SH2D1A: variants seen among roughly 807,000 people sequenced by gnomAD.
The protein encoded by SH2D1A is SH2 domain containing 1A.
A neutral mutation model predicts 10.1 loss-of-function variants in SH2D1A; 6 were observed. The observed-to-expected ratio is 0.60, with a 90% CI of 0.33 to 1.18. The LOEUF (loss-of-function observed/expected upper bound fraction) is 1.18. SH2D1A is among the 50% of genes most tolerant of loss of function. The probability of loss-of-function intolerance (pLI) is 0.04; values close to 1 mark genes in which losing one functional copy is unlikely to be tolerated. For synonymous variants in SH2D1A, 42 were observed against 36.9 expected, an observed-to-expected ratio of 1.14 and a Z score of -0.51; for missense variants, 51 against 97.6, an observed-to-expected ratio of 0.52 and a Z score of 2.01.
chrX:124,368,803 A>G (rs901112369), intron 2 of SH2D1A, among the ~76,000 whole-genome samples: 3 of 112,725 alleles, frequency 2.7e-5, no homozygotes, highest in Non-Finnish European at 5.6e-5. Flanking sequence ...TGAGGAAAGT[A>G]TAAGGAGGCA....
rs201326965 is a variant in SH2D1A at position 124,371,409 on chromosome X, T to A, written c.*18T>A. ...CCCCATGAAGAAAAATAAAACACCT[T>A]GTACTTTATTTTCTATAATTTAAAT... On this transcript the variant is annotated 3_prime_UTR_variant, in exon 4 of 4. Transcript: ENST00000371139. 9.5e-7 allele frequency: 1 copy of A among 1,052,670 alleles called. No individual in the cohort carries two copies. Among genetic ancestry groups the A allele is most frequent in the East Asian group, 3.0e-5 (1 of 32,991 alleles). 86.8% of individuals were successfully genotyped at this position (1,052,670 alleles called of 1,213,427 possible). A position where few individuals can be genotyped will look rare whatever the true frequency, so the allele number is the denominator to read the frequency against.
chrX:124,361,286 G>A (rs1257864440), intron 1 of SH2D1A, among the ~76,000 whole-genome samples: 3 of 111,712 alleles, frequency 2.7e-5, no homozygotes, highest in Non-Finnish European at 5.6e-5. Flanking sequence ...CTGTCTACAA[G>A]CCAAGAGAAG....
At chrX:124,362,328 G>T (rs1490246901) in intron 1 of SH2D1A, among the ~76,000 whole-genome samples, 1 of 112,281 alleles carries the variant, frequency 8.9e-6, no homozygotes, top group Non-Finnish European at 1.9e-5. Context: ...GAGCTGTGGG[G>T]GTGATGCTGC....
rs200198093 is a variant in SH2D1A, at chrX:124,371,315, GTTTAT to G, written c.347-32_347-28del. On this transcript the variant is annotated intron_variant, in intron 3 of 3. Transcript: ENST00000371139. Reference sequence around the variant, plus strand: ...AATCTGTAATTTTAATAGTTTGTAAGTTTATTTTTTCTTGATTTTTGTTATTTTTC... The same window carrying G: ...AATCTGTAATTTTAATAGTTTGTAAGTTTTTCTTGATTTTTGTTATTTTTC... The G allele has an allele frequency of 0.017, 17,027 of 1,006,837 alleles. 136 individuals carry two copies. Among genetic ancestry groups the G allele is most frequent in the Non-Finnish European group, 0.021 (15,207 of 717,852 alleles). The allele number at this position is 1,006,837 out of a possible 1,213,427, so 83.0% of individuals were successfully genotyped here.
At chrX:124,357,221 T>G (rs2060028643) in intron 1 of SH2D1A, among the ~76,000 whole-genome samples, 1 of 112,084 alleles carries the variant, frequency 8.9e-6, no homozygotes, top group Non-Finnish European at 1.9e-5. Flanking sequence ...ATCCCATGTA[T>G]AACTGAAACT....
intron 1 of SH2D1A, chrX:124,364,488 T>C: frequency 4.2e-6 from 1 of 235,459 alleles, no homozygotes; most frequent in East Asian, 1.3e-4. Context: ...GAAGCTAAGA[T>C]TAATTTATTA....
chrX:124,350,236 TA>T, intron 1 of SH2D1A, among the ~76,000 whole-genome samples: 1 of 22,796 alleles, frequency 4.4e-5, no homozygotes, highest in African/African-American at 6.7e-4. Flanking sequence ...ATATATTATA[TA>T]ATATTATATA....
chrX:124,368,921 C>G (rs933283636), intron 2 of SH2D1A, among the ~76,000 whole-genome samples: 1 of 111,512 alleles, frequency 9.0e-6, no homozygotes, highest in African/African-American at 3.3e-5. Flanking sequence ...AGTTCTCAAT[C>G]GAGCTTTAGG....
chrX:124,348,593 A>G (rs983555736), intron 1 of SH2D1A, among the ~76,000 whole-genome samples: 6 of 111,492 alleles, frequency 5.4e-5, no homozygotes, highest in African/African-American at 2.0e-4. Context: ...TTGACCACCT[A>G]TCTAGAACAA....
intron 1 of SH2D1A, among the ~76,000 whole-genome samples, chrX:124,365,392 G>A (rs1235761040): frequency 9.1e-6 from 1 of 109,921 alleles, no homozygotes; most frequent in African/African-American, 3.3e-5. Context: ...CTTAAGTTTC[G>A]ATATGTACTT....
intron 1 of SH2D1A, among the ~76,000 whole-genome samples, chrX:124,352,673 T>C (rs917407825): frequency 9.8e-5 from 11 of 112,118 alleles, no homozygotes; most frequent in African/African-American, 3.6e-4. Context: ...TATCCATTCA[T>C]CTGTTGCTGG....
At chrX:124,370,136 T>G in intron 2 of SH2D1A, 40 bp from the exon 3 acceptor site, 1 of 1,049,089 alleles carries the variant, frequency 9.5e-7, no homozygotes, top group Non-Finnish European at 1.3e-6. Context: ...TGTATCATTA[T>G]GAGATAGGTA....
At chrX:124,348,919 A>G (rs2060000537) in intron 1 of SH2D1A, among the ~76,000 whole-genome samples, 1 of 112,159 alleles carries the variant, frequency 8.9e-6, no homozygotes, top group South Asian at 3.7e-4. Context: ...CTCAGTTTCC[A>G]TATTTATAAA....
At chrX:124,363,861 A>G (rs1176398380) in intron 1 of SH2D1A, among the ~76,000 whole-genome samples, 3 of 87,758 alleles carry the variant, frequency 3.4e-5, no homozygotes, top group African/African-American at 1.3e-4. Flanking sequence ...ACTGCACTCC[A>G]GCCTGGGCAA....
intron 2 of SH2D1A, among the ~76,000 whole-genome samples, chrX:124,369,328 T>A (rs2060063928): frequency 8.9e-6 from 1 of 112,111 alleles, no homozygotes; most frequent in Non-Finnish European, 1.9e-5. Flanking sequence ...TGCCTGAAGC[T>A]TGGCTCATAA....
At chrX:124,353,179 A>T in intron 1 of SH2D1A, 1 of 160,243 alleles carries the variant, frequency 6.2e-6, no homozygotes, top group Non-Finnish European at 1.3e-5. Flanking sequence ...CATTAAATTT[A>T]TTAATAAACT....
intron 1 of SH2D1A, among the ~76,000 whole-genome samples, chrX:124,351,863 C>T (rs1348125618): frequency 9.1e-6 from 1 of 109,991 alleles, no homozygotes; most frequent in Non-Finnish European, 1.9e-5. Context: ...TGGTGTTTGC[C>T]CTTACTTTTT....
At chrX:124,371,238 G>A in intron 3 of SH2D1A, 113 bp from the exon 4 acceptor site, 1 of 514,055 alleles carries the variant, frequency 1.9e-6, no homozygotes, top group Non-Finnish European at 3.3e-6. Context: ...GTATATTACT[G>A]TGTTGTGTCA....
chrX:124,362,620 T>C (rs1188857894), intron 1 of SH2D1A, among the ~76,000 whole-genome samples: 1 of 111,724 alleles, frequency 9.0e-6, no homozygotes, highest in Non-Finnish European at 1.9e-5. Context: ...CATCTAATTT[T>C]ATTTAGATGA....
Sources: allele counts gnomAD v4.1 joint callset (sites outside exome capture counted in the v4.1 genomes callset), GRCh38; gene constraint gnomAD v4.1.1; transcripts MANE v1.5; gene names NCBI Gene and HGNC (gene_info 2026-07-23, HGNC 2026-07-21).